INTS7: variants seen among roughly 807,000 people sequenced by gnomAD.
The protein encoded by INTS7 is integrator complex subunit 7.
A neutral mutation model predicts 109.2 loss-of-function variants in INTS7; 46 were observed. The ratio of observed to expected loss-of-function variants is 0.42; its 90% CI spans 0.33 to 0.54. The LOEUF (loss-of-function observed/expected upper bound fraction) is 0.54, where lower values mean the gene tolerates loss of function less well. INTS7 is among the 20% of genes least tolerant of loss of function. The pLI is 0.07. For synonymous variants in INTS7, 412 were observed against 402.9 expected, an observed-to-expected ratio of 1.02 and a Z score of -0.27; for missense variants, 929 against 1,132.4, an observed-to-expected ratio of 0.82 and a Z score of 2.58.
At chr1:212,027,153 C>T (rs556793975) in intron 1 of INTS7, among the ~76,000 whole-genome samples, 3 of 152,080 alleles carry the variant, frequency 2.0e-5, no homozygotes, top group Non-Finnish European at 2.9e-5. Flanking sequence ...AGGCTGGCTC[C>T]GAAGGACAGG....
At position 211,959,850 on chromosome 1, in the gene INTS7, T is replaced by A. The variant is rs1048671618; in HGVS notation, c.2183+6580A>T. ...CCATGGCGTGCAGTTACCAACAGGG[T>A]TCCCCTGCACCCCACCGGCCACCTG... On this transcript the variant is annotated intron_variant, in intron 16 of 19. Transcript: ENST00000366994. The surrounding 1 kb of genome is among the most constrained non-coding windows in gnomAD (Gnocchi z 4.2). Among the ~76,000 whole-genome samples, 16 of 152,080 alleles carry A rather than the reference T, an allele frequency of 1.1e-4. No homozygotes were observed. The highest frequency in any genetic ancestry group is 2.1e-4 in the Non-Finnish European group (14 of 67,996).
intron 7 of INTS7, among the ~76,000 whole-genome samples, chr1:211,992,830 T>C (rs1665204160): frequency 6.6e-6 from 1 of 152,218 alleles, no homozygotes; most frequent in South Asian, 2.1e-4. Context: ...ACATTACCTA[T>C]TACAAAATTG....
intron 1 of INTS7, among the ~76,000 whole-genome samples, 159 bp downstream of exon 1, chr1:212,035,185 G>T (rs768691674): frequency 1.3e-5 from 2 of 152,108 alleles, no homozygotes; most frequent in Non-Finnish European, 2.9e-5. Context: ...GCAACCTCCC[G>T]AAGGGGTCAA....
In INTS7 at chr1:211,978,502, T is replaced by C; in HGVS notation, c.1240A>G (p.Asn414Asp). ...CCCTTGGCCAACTTCACCATACAGT[T>C]TAGAGCAATCTGCACGCCAAAAAGA... The part of the protein sequence containing the change: ...GAQATLKIAL[N>D]CMVKLAKGRP... Residue 414 changes from asparagine (N) to aspartate (D), a missense_variant, in exon 11 of 20, where the codon AAC becomes GAC. Asn to Asp is a conservative substitution (Grantham distance 23). Transcript: ENST00000366994. 6.2e-7 allele frequency: 1 copy of C among 1,614,132 alleles called. No individual in the cohort carries two copies. Among genetic ancestry groups the C allele is most frequent in the Non-Finnish European group, 8.5e-7 (1 of 1,180,030 alleles).
chr1:211,977,528 C>T (rs1464035368), intron 11 of INTS7, among the ~76,000 whole-genome samples: 3 of 152,180 alleles, frequency 2.0e-5, no homozygotes, highest in Non-Finnish European at 2.9e-5. Flanking sequence ...TGGGGTCAAT[C>T]TTTTACACAA....
chr1:212,014,903 C>T (rs1356766799), intron 4 of INTS7, among the ~76,000 whole-genome samples: 2 of 152,226 alleles, frequency 1.3e-5, no homozygotes, highest in Non-Finnish European at 2.9e-5. Flanking sequence ...TAACCTCCAC[C>T]TCCCAGCCGC....
intron 7 of INTS7, among the ~76,000 whole-genome samples, chr1:212,002,546 C>T (rs371474169): frequency 1.3e-5 from 2 of 152,326 alleles, no homozygotes; most frequent in African/African-American, 4.8e-5. Flanking sequence ...GTCACACTGA[C>T]CTCACACTCA....
intron 13 of INTS7, 34 bp from the exon 14 acceptor site, chr1:211,968,741 A>C: frequency 6.4e-7 from 1 of 1,557,694 alleles, no homozygotes; most frequent in Non-Finnish European, 8.7e-7. Flanking sequence ...TATTTAAGAC[A>C]AAGTAAACAG....
At position 211,941,694 on chromosome 1, in the gene INTS7, TATTAC is replaced by T. The variant is rs781055402; in HGVS notation, c.*125_*129del. On this transcript the variant is annotated 3_prime_UTR_variant, in exon 20 of 20. Transcript: ENST00000366994. Reference sequence around the variant, plus strand: ...TAAGAAAACAAAATTTTTTCCAGAATATTACATTACAAAAATCAATGAATAAATGA... The same window carrying T: ...TAAGAAAACAAAATTTTTTCCAGAATATTACAAAAATCAATGAATAAATGA... 17 of 1,389,192 alleles carry T rather than the reference TATTAC, an allele frequency of 1.2e-5. No homozygotes were observed. The highest frequency in any genetic ancestry group is 4.4e-5 in the African/African-American group (3 of 68,750). The allele number at this position is 1,389,192 out of a possible 1,614,324, so 86.1% of individuals were successfully genotyped here.
Position 212,035,431 on chromosome 1 carries a change from A to G in INTS7, c.7T>C (p.Ser3Pro). 6.2e-7 allele frequency: 1 copy of G among 1,612,412 alleles called. No homozygotes were observed. Among genetic ancestry groups the G allele is most frequent in the Non-Finnish European group, 8.5e-7 (1 of 1,178,454 alleles). MA[S>P]NSTKSFLADA... is the part of the protein sequence containing the mutation. ...GCCAGGAAAGACTTAGTTGAGTTTG[A>G]CGCCATGACCCGAATAGTTACTCGA... The change falls in exon 1 of 20, where the codon TCA becomes CCA. Residue 3 changes from serine (S) to proline (P), a missense_variant. Coordinates refer to ENST00000366994, the MANE Select transcript of INTS7 (RefSeq NM_015434.4).
intron 4 of INTS7, among the ~76,000 whole-genome samples, chr1:212,015,410 C>T (rs1021896402): frequency 6.6e-6 from 1 of 152,052 alleles, no homozygotes; most frequent in African/African-American, 2.4e-5. Flanking sequence ...ACCTTACCCC[C>T]AACCCCCTGC....
At position 211,942,257 on chromosome 1, in the gene INTS7, G is replaced by A; in HGVS notation, c.2602-146C>T. ...CTATCATCCTTGCTTCACCGATGAG[G>A]AGTCTAAGGCAGACAGGTTAAGTAA... On this transcript the variant is annotated intron_variant, in intron 19 of 19. Transcript: ENST00000366994. This position sits in a 1 kb window ranked among gnomAD's most constrained non-coding sequence, Gnocchi z 4.2. 1.2e-6 allele frequency: 1 copy of A among 821,692 alleles called. No homozygotes were observed. The highest frequency in any genetic ancestry group is 2.5e-5 in the East Asian group (1 of 39,384). The allele number at this position is 821,692 out of a possible 1,614,324, so 50.9% of individuals were successfully genotyped here. A position where few individuals can be genotyped will look rare whatever the true frequency, so the allele number is the denominator to read the frequency against.
chr1:211,968,115 TC>T (rs1663991340), intron 14 of INTS7, 134 bp from the exon 15 acceptor site: 2 of 538,036 alleles, frequency 3.7e-6, no homozygotes, highest in Non-Finnish European at 6.4e-6. Context: ...TCACTGTCAT[TC>T]CATTCATTTT....
intron 7 of INTS7, among the ~76,000 whole-genome samples, chr1:212,004,959 A>G (rs1003801376): frequency 5.3e-5 from 8 of 152,210 alleles, no homozygotes; most frequent in African/African-American, 1.9e-4. Flanking sequence ...TGGTTCATTG[A>G]CTTTGGAAAA....
rs1662597870 is a variant in INTS7, at chr1:211,940,877, T to C, written c.*947A>G. 6.6e-6 allele frequency: 1 copy of C among 152,238 alleles called. No homozygotes were observed. The highest frequency in any genetic ancestry group is 1.5e-5 in the Non-Finnish European group (1 of 68,044). 9.4% of individuals were successfully genotyped at this position (152,238 alleles called of 1,614,324 possible). On this transcript the variant is annotated 3_prime_UTR_variant, in exon 20 of 20. Coordinates refer to ENST00000366994, the MANE Select transcript of INTS7 (RefSeq NM_015434.4). The stretch of plus-strand genomic sequence containing the variant: ...TTTTGGAAACAATGTGAAATGTCTG[T>C]ATTATACACAGTTGCAGACACATCA...
chr1:211,943,301 G>A (rs1450789331), intron 19 of INTS7, among the ~76,000 whole-genome samples: 1 of 151,646 alleles, frequency 6.6e-6, no homozygotes, highest in African/African-American at 2.4e-5. Flanking sequence ...AATGCCTCTT[G>A]AGAGGTAGGT....
chr1:211,971,870 C>G (rs540408317), intron 13 of INTS7, among the ~76,000 whole-genome samples: 2 of 130,190 alleles, frequency 1.5e-5, no homozygotes, highest in Non-Finnish European at 3.1e-5. Context: ...GAGCCAAGAT[C>G]GTGCCACTGC....
intron 1 of INTS7, among the ~76,000 whole-genome samples, chr1:212,021,803 G>A (rs1666721186): frequency 1.3e-5 from 2 of 151,994 alleles, no homozygotes; most frequent in Admixed American, 6.6e-5. Context: ...AGCTGTGATT[G>A]TGTCACGGTG....
At chr1:211,992,438 A>T (rs2102445203) in intron 7 of INTS7, among the ~76,000 whole-genome samples, 1 of 152,318 alleles carries the variant, frequency 6.6e-6, no homozygotes, top group South Asian at 2.1e-4. Flanking sequence ...GTCATCTAGC[A>T]CATTATTGGG....
Sources: allele counts gnomAD v4.1 joint callset (sites outside exome capture counted in the v4.1 genomes callset), GRCh38; gene constraint gnomAD v4.1.1; non-coding constraint Gnocchi (gnomAD v3.1); transcripts MANE v1.5; gene names NCBI Gene and HGNC (gene_info 2026-07-23, HGNC 2026-07-21).